Variants in PEAK1 observed in about 807,000 individuals in gnomAD.
PEAK1 encodes inactive tyrosine-protein kinase PEAK1.
In PEAK1, 54 loss-of-function variants were observed where a neutral mutation model predicts 124.7. That is an observed-to-expected ratio of 0.43 (90% CI 0.35 to 0.54). PEAK1 has a LOEUF of 0.54. Among genes scored for constraint, PEAK1 ranks in the 20% least tolerant of loss-of-function variants. PEAK1 has a pLI of 0.01. For missense variants in PEAK1, 2,046 were observed against 2,134.5 expected (o/e 0.96, Z 0.82); for synonymous variants, 719 against 760.0 (o/e 0.95, Z 0.89).
intron 1 of PEAK1, among the ~76,000 whole-genome samples, chr15:77,385,946 T>C (rs1290877999): frequency 6.6e-6 from 1 of 152,148 alleles, no homozygotes; most frequent in African/African-American, 2.4e-5. Flanking sequence ...CTAGCACCCA[T>C]TTTATATGTG....
chr15:77,387,907 T>C (rs1055135838), intron 1 of PEAK1, among the ~76,000 whole-genome samples: 1 of 152,222 alleles, frequency 6.6e-6, no homozygotes, highest in East Asian at 1.9e-4. Context: ...ACTATGTGGA[T>C]GGCAGCCTTC....
intron 1 of PEAK1, among the ~76,000 whole-genome samples, chr15:77,391,816 T>TA (rs2070483971): frequency 6.6e-6 from 1 of 152,190 alleles, no homozygotes; most frequent in Non-Finnish European, 1.5e-5. Flanking sequence ...GCAAACAAGC[T>TA]AAAGAGTTCT....
intron 4 of PEAK1, 82 bp from the exon 5 acceptor site, chr15:77,284,112 G>T: frequency 1.5e-6 from 1 of 685,636 alleles, no homozygotes; most frequent in Non-Finnish European, 1.8e-6. Flanking sequence ...AATTCAATCT[G>T]GTCATGTAAA....
Position 77,180,362 on chromosome 15 carries a change from T to G in PEAK1, c.1565A>C (p.His522Pro). Reference sequence around the variant, plus strand: ...TCGAATTGCACTGGATTTTTGGAAATGGGCACTTATTTGTCCTGGTGTCAA... The same window carrying G: ...TCGAATTGCACTGGATTTTTGGAAAGGGGCACTTATTTGTCCTGGTGTCAA... ...SSLTPGQISA[H>P]FQKSSAIRYQ... Residue 522 changes from histidine to proline, a missense_variant, in exon 7 of 10, where the codon CAT (histidine) becomes CCT (proline). Coordinates refer to ENST00000682557, the MANE Select transcript of PEAK1 (RefSeq NM_001385026.1). 6.2e-7 allele frequency: 1 copy of G among 1,614,104 alleles called. No homozygotes were observed. The highest frequency in any genetic ancestry group is 8.5e-7 in the Non-Finnish European group (1 of 1,180,000).
chr15:77,332,150 A>C, intron 2 of PEAK1: 4 of 928,446 alleles, frequency 4.3e-6, no homozygotes, highest in Non-Finnish European at 5.1e-6. Context: ...AAATTTAAAA[A>C]TAAGTTGCTT....
intron 2 of PEAK1, among the ~76,000 whole-genome samples, chr15:77,304,897 C>T (rs919211767): frequency 3.9e-5 from 6 of 152,000 alleles, no homozygotes; most frequent in African/African-American, 1.5e-4. Context: ...CCTATCTGTA[C>T]AATGTGGATC....
chr15:77,346,831 AT>A (rs2066900958), intron 2 of PEAK1: 1 of 734,920 alleles, frequency 1.4e-6, no homozygotes, highest in Non-Finnish European at 1.7e-6. Flanking sequence ...GGTGCTAGAG[AT>A]ACAGCAGTAA....
chr15:77,414,386 T>C, intron 1 of PEAK1, among the ~76,000 whole-genome samples: 1 of 128,442 alleles, frequency 7.8e-6, no homozygotes, highest in South Asian at 2.3e-4. Context: ...ATTTTTTGTA[T>C]TTTTTTTTTT....
intron 2 of PEAK1, chr15:77,336,417 T>A: frequency 1.0e-6 from 1 of 985,338 alleles, no homozygotes; most frequent in Non-Finnish European, 1.2e-6. Flanking sequence ...CCCTTCTGAG[T>A]GAGGGGTTAA....
chr15:77,198,573 G>C (rs192255624), intron 6 of PEAK1, among the ~76,000 whole-genome samples: 31 of 152,206 alleles, frequency 2.0e-4, no homozygotes, highest in African/African-American at 7.5e-4. Context: ...CATCAATGCA[G>C]CAAGGCTAGC....
At chr15:77,335,752 AAGTGCTC>A (rs1250210667) in intron 2 of PEAK1, 76 of 981,568 alleles carry the variant, frequency 7.7e-5, no homozygotes, top group Non-Finnish European at 9.1e-5. Context: ...CAGCCTCCCA[AAGTGCTC>A]AGATTACAGG....
exon 7 of PEAK1, chr15:77,102,934 T>A (rs575204224): frequency 1.3e-5 from 2 of 152,334 alleles, no homozygotes; most frequent in South Asian, 4.1e-4. Context: ...TCACTAAAAT[T>A]TGAGACAACC....
At chr15:77,393,126 T>C (rs977875381) in intron 1 of PEAK1, among the ~76,000 whole-genome samples, 11 of 152,140 alleles carry the variant, frequency 7.2e-5, no homozygotes, top group Non-Finnish European at 8.8e-5. Context: ...GGAACCTGAG[T>C]TCCAGAGAGC....
intron 2 of PEAK1, among the ~76,000 whole-genome samples, chr15:77,304,106 G>A (rs1171138266): frequency 6.6e-6 from 1 of 152,172 alleles, no homozygotes; most frequent in African/African-American, 2.4e-5. Context: ...CAGTAAGCCA[G>A]GTAGTGTGAG....
chr15:77,125,800 T>C (rs1260233163), intron 9 of PEAK1, among the ~76,000 whole-genome samples: 1 of 152,228 alleles, frequency 6.6e-6, no homozygotes, highest in Non-Finnish European at 1.5e-5. Context: ...CTGCCAGTCA[T>C]TCTGATTCTG....
chr15:77,368,951 G>A (rs893786896), intron 1 of PEAK1, among the ~76,000 whole-genome samples: 3 of 152,154 alleles, frequency 2.0e-5, no homozygotes, highest in African/African-American at 7.2e-5. Flanking sequence ...AGTGATCACT[G>A]AAATTAAATC....
chr15:77,345,818 C>T (rs1201174095), intron 2 of PEAK1: 2 of 694,696 alleles, frequency 2.9e-6, no homozygotes, highest in Non-Finnish European at 3.5e-6. Flanking sequence ...GATCTTTACA[C>T]ATTGTATACA....
chr15:77,350,785 TTTTG>T (rs923640115), intron 2 of PEAK1: 12 of 980,774 alleles, frequency 1.2e-5, no homozygotes, highest in African/African-American at 3.5e-5. Context: ...GTATAACCTA[TTTTG>T]TTTTTTATTC....
intron 7 of PEAK1, among the ~76,000 whole-genome samples, chr15:77,175,566 C>G (rs2152811351): frequency 6.6e-6 from 1 of 152,136 alleles, no homozygotes; most frequent in South Asian, 2.1e-4. Context: ...CCATCTCACA[C>G]CAGTTAGAAT....
Sources: gnomAD v4.1 joint callset for allele counts (sites outside exome capture counted in the v4.1 genomes callset) on GRCh38, gnomAD v4.1.1 for gene constraint, MANE v1.5 for transcripts, NCBI Gene and HGNC (gene_info 2026-07-23, HGNC 2026-07-21) for gene names.